Variants in RPS6KC1 observed in about 807,000 individuals in gnomAD.
RPS6KC1 encodes inactive ribosomal protein S6 kinase delta-1.
In RPS6KC1, 54 loss-of-function variants were observed where a neutral mutation model predicts 103.8. That is an observed-to-expected ratio of 0.52 (90% CI 0.42 to 0.65). The LOEUF (loss-of-function observed/expected upper bound fraction) is 0.65. Ranked by LOEUF, RPS6KC1 falls within the 30% of genes least tolerant of loss-of-function variation. The pLI is 0.00. For missense variants in RPS6KC1, 1,151 were observed against 1,253.8 expected (o/e 0.92, Z 1.24); for synonymous variants, 439 against 438.7 (o/e 1.00, Z -0.01).
At chr1:213,855,318 T>A in the RPS6KC1 span, among the ~76,000 whole-genome samples, 1 of 152,152 alleles carries the variant, frequency 6.6e-6, no homozygotes, top group African/African-American at 2.4e-5. Flanking sequence ...AGTCGTATCA[T>A]CCGTCACTAC....
At chr1:213,106,000 TG>T (rs2082450417) in intron 4 of RPS6KC1, among the ~76,000 whole-genome samples, 1 of 152,244 alleles carries the variant, frequency 6.6e-6, no homozygotes, top group Non-Finnish European at 1.5e-5. Flanking sequence ...AAAAGTTAGC[TG>T]TTCATTGTAT....
At chr1:213,181,186 G>C (rs1345058360) in intron 8 of RPS6KC1, among the ~76,000 whole-genome samples, 2 of 152,202 alleles carry the variant, frequency 1.3e-5, no homozygotes, top group Non-Finnish European at 2.9e-5. Context: ...TGAGTAGCCT[G>C]AGTCATTCTG....
chr1:213,060,361 A>C (rs886944998), intron 1 of RPS6KC1, among the ~76,000 whole-genome samples: 2 of 152,222 alleles, frequency 1.3e-5, no homozygotes, highest in African/African-American at 4.8e-5. Context: ...GTTTTGGCTT[A>C]ATCTGGAGAT....
the RPS6KC1 span, among the ~76,000 whole-genome samples, chr1:213,596,170 A>G: frequency 6.6e-6 from 1 of 152,202 alleles, no homozygotes; most frequent in African/African-American, 2.4e-5. Flanking sequence ...AACCGAAAAG[A>G]CTTGCCCATT....
chr1:213,395,581 G>T, the RPS6KC1 span, among the ~76,000 whole-genome samples: 1 of 152,142 alleles, frequency 6.6e-6, no homozygotes, highest in Non-Finnish European at 1.5e-5. Flanking sequence ...TCTGCTAACT[G>T]TCTAACAACC....
chr1:213,137,715 G>A lies in RPS6KC1; in HGVS notation c.835+7826G>A, dbSNP rs183053505. 1.2e-3 allele frequency among the ~76,000 whole-genome samples: 158 copies of A among 127,790 alleles called. 1 individual carries two copies. Among genetic ancestry groups the A allele is most frequent in the African/African-American group, 3.5e-3 (117 of 33,780 alleles). The allele number at this position is 127,790 out of a possible 152,430, so 83.8% of individuals were successfully genotyped here. On this transcript the variant is annotated intron_variant, in intron 6 of 14. Transcript: ENST00000366960. ...CTTTTTCTGTTTTGTTTGTTTGTTC[G>A]TTTGTTTTTTCCTGTGCTTTGGTTT...
the RPS6KC1 span, among the ~76,000 whole-genome samples, chr1:213,360,376 C>G: frequency 2.6e-5 from 4 of 152,150 alleles, no homozygotes; most frequent in African/African-American, 9.7e-5. Context: ...GCATTTGTCA[C>G]GTAGTTCTCA....
chr1:213,425,107 T>A, the RPS6KC1 span, among the ~76,000 whole-genome samples: 1 of 151,914 alleles, frequency 6.6e-6, no homozygotes, highest in South Asian at 2.1e-4. Flanking sequence ...GGCCGCCCGC[T>A]CACCCATTAC....
chr1:213,079,579 G>A (rs1392349782), intron 3 of RPS6KC1, among the ~76,000 whole-genome samples: 1 of 151,842 alleles, frequency 6.6e-6, no homozygotes, highest in East Asian at 1.9e-4. Flanking sequence ...CACCATGCCT[G>A]GCTAATTTTT....
the RPS6KC1 span, among the ~76,000 whole-genome samples, chr1:213,301,722 T>C: frequency 6.9e-6 from 1 of 144,140 alleles, no homozygotes; most frequent in Non-Finnish European, 1.5e-5. Flanking sequence ...TATTTATTTA[T>C]TTATTTATTT....
At chr1:213,310,789 G>A in the RPS6KC1 span, among the ~76,000 whole-genome samples, 1 of 152,218 alleles carries the variant, frequency 6.6e-6, no homozygotes, top group Non-Finnish European at 1.5e-5. Context: ...GTATATTGGG[G>A]TTTCATGTAA....
At chr1:213,636,174 G>C in the RPS6KC1 span, among the ~76,000 whole-genome samples, 1 of 152,158 alleles carries the variant, frequency 6.6e-6, no homozygotes, top group African/African-American at 2.4e-5. Flanking sequence ...AATCAATATT[G>C]TGAAAATGGC....
At chr1:213,256,198 G>C (rs1231886031) in intron 12 of RPS6KC1, among the ~76,000 whole-genome samples, 23 of 152,154 alleles carry the variant, frequency 1.5e-4, no homozygotes, top group Non-Finnish European at 3.2e-4. Flanking sequence ...GTGTTAGAAA[G>C]CTGAACTAAT....
At chr1:213,363,806 CTTTCTTTCT>C in the RPS6KC1 span, among the ~76,000 whole-genome samples, 673 of 52,630 alleles carry the variant, frequency 0.013, 110 homozygotes, top group African/African-American at 0.032. Flanking sequence ...TTCTTTCTTT[CTTTCTTTCT>C]TCTCTCTTTT....
chr1:213,408,684 T>C, the RPS6KC1 span, among the ~76,000 whole-genome samples: 1 of 152,220 alleles, frequency 6.6e-6, no homozygotes, highest in Non-Finnish European at 1.5e-5. Context: ...GAGCCTGTAA[T>C]TGCATAAGTC....
the RPS6KC1 span, among the ~76,000 whole-genome samples, chr1:213,800,836 C>T: frequency 6.1e-3 from 933 of 152,230 alleles, 7 homozygotes; most frequent in Non-Finnish European, 9.9e-3. Flanking sequence ...ACCTTTATTA[C>T]GTTTTTTATT....
At chr1:213,497,997 A>G in the RPS6KC1 span, among the ~76,000 whole-genome samples, 1 of 152,164 alleles carries the variant, frequency 6.6e-6, no homozygotes, top group Non-Finnish European at 1.5e-5. Flanking sequence ...AAGTTTTCAA[A>G]CCGTTAAGGG....
chr1:213,578,202 C>T, the RPS6KC1 span, among the ~76,000 whole-genome samples: 14,622 of 152,290 alleles, frequency 0.096, 816 homozygotes, highest in Non-Finnish European at 0.12. Flanking sequence ...CCTGTGGCTA[C>T]ACAGAAGTCA....
In RPS6KC1 at chr1:213,051,479, G is replaced by A; in HGVS notation, c.75G>A (p.Arg25=). 1 of 1,613,498 alleles carries A rather than the reference G, an allele frequency of 6.2e-7. No homozygotes were observed. The highest frequency in any genetic ancestry group is 8.5e-7 in the Non-Finnish European group (1 of 1,179,758). Residue 25 remains arginine, a synonymous_variant, in exon 1 of 15, where the codon AGG becomes AGA. Transcript: ENST00000366960. Reference sequence around the variant, plus strand: ...TCACCGAGCCCCAGCGACACCCGAGGGGCTACACAGTATATAAGGTCACCG... The same window carrying A: ...TCACCGAGCCCCAGCGACACCCGAGAGGCTACACAGTATATAAGGTCACCG... ...YTVTEPQRHP[R]GYTVYKVTAR... is the part of the protein sequence containing the mutation.
Sources: allele counts gnomAD v4.1 joint callset (sites outside exome capture counted in the v4.1 genomes callset), GRCh38; gene constraint gnomAD v4.1.1; transcripts MANE v1.5; gene names NCBI Gene and HGNC (gene_info 2026-07-23, HGNC 2026-07-21).